The following CD163L1 variants were observed in gnomAD, a reference collection of about 807,000 sequenced individuals.
CD163L1 encodes the protein scavenger receptor cysteine-rich type 1 protein M160.
Under a neutral mutation model 165.4 loss-of-function variants are expected in CD163L1, and 124 were observed. The observed-to-expected ratio is 0.75, with a 90% CI of 0.65 to 0.87. The LOEUF is 0.87. Ranked by LOEUF, CD163L1 falls within the 40% of genes least tolerant of loss-of-function variation. The pLI is 0.00. For synonymous variants in CD163L1, 585 were observed against 662.2 expected, an observed-to-expected ratio of 0.88 and a Z score of 1.79; for missense variants, 1,525 against 1,799.9, an observed-to-expected ratio of 0.85 and a Z score of 2.76.
At chr12:7,319,967 C>A in the CD163L1 span, among the ~76,000 whole-genome samples, 1 of 152,258 alleles carries the variant, frequency 6.6e-6, no homozygotes, top group South Asian at 2.1e-4. Context: ...TTAGACTCTG[C>A]GGAGCAGATA....
At position 7,375,808 on chromosome 12, in the gene CD163L1, C is replaced by T. The variant is rs150856487; in HGVS notation, c.2578G>A (p.Glu860Lys). ...FGKGNGLTWA[E>K]KFQCEGSETH... ...TCACTCCCTTCACACTGGAACTTTT[C>T]GGCCCAAGTTAGACCATTCCCTTTT... Residue 860 changes from glutamate to lysine, a missense_variant, in exon 10 of 20, where the codon GAA becomes AAA. Physicochemically the swap from Glu to Lys is moderately conservative, Grantham distance 56 (BLOSUM62 1). Transcript: ENST00000313599. 6,813 of 1,614,216 alleles carry T rather than the reference C, an allele frequency of 4.2e-3. 16 individuals are homozygous for T. The highest frequency in any genetic ancestry group is 5.4e-3 in the Non-Finnish European group (6,333 of 1,180,028).
chr12:7,370,668 C>T (rs764951688), intron 14 of CD163L1, among the ~76,000 whole-genome samples: 10 of 152,238 alleles, frequency 6.6e-5, no homozygotes, highest in African/African-American at 2.4e-4. Flanking sequence ...AAAAAATTTC[C>T]TTTCTCCTTG....
chr12:7,323,315 G>A, the CD163L1 span: 2 of 1,609,938 alleles, frequency 1.2e-6, no homozygotes, highest in South Asian at 1.1e-5. Flanking sequence ...TGATGTCCAG[G>A]TAGGTTGAGA....
At chr12:7,386,242 A>G (rs1489410339) in intron 8 of CD163L1, among the ~76,000 whole-genome samples, 1 of 152,052 alleles carries the variant, frequency 6.6e-6, no homozygotes, top group Non-Finnish European at 1.5e-5. Context: ...TCCTGTACAC[A>G]TACGATCTGC....
chr12:7,355,490 G>C (rs1018823867), intron 19 of CD163L1, among the ~76,000 whole-genome samples: 1 of 152,116 alleles, frequency 6.6e-6, no homozygotes, highest in Admixed American at 6.6e-5. Context: ...TCTTTCAAAA[G>C]TTTTTAGTAT....
intron 4 of CD163L1, among the ~76,000 whole-genome samples, chr12:7,416,761 T>C (rs1948250402): frequency 6.6e-6 from 1 of 152,216 alleles, no homozygotes; most frequent in African/African-American, 2.4e-5. Flanking sequence ...GCCTGTGTTC[T>C]GTTCCATTGG....
intron 18 of CD163L1, 49 bp from the exon 19 acceptor site, chr12:7,357,535 G>A (rs374609042): frequency 4.7e-6 from 7 of 1,505,312 alleles, no homozygotes; most frequent in Non-Finnish European, 6.5e-6. Context: ...AAACCTCTCT[G>A]CAGAGGGAAG....
chr12:7,343,734 T>C (rs1946651599), downstream of CD163L1, among the ~76,000 whole-genome samples: 1 of 152,168 alleles, frequency 6.6e-6, no homozygotes, highest in Non-Finnish European at 1.5e-5. Flanking sequence ...TCCAATATGA[T>C]ACTTGGGTGG....
rs1168018892 is a variant in CD163L1, at chr12:7,444,113, T to A, written c.15A>T (p.Gln5His). 1.2e-6 allele frequency: 2 copies of A among 1,613,842 alleles called. No individual in the cohort carries two copies. Among genetic ancestry groups the A allele is most frequent in the Non-Finnish European group, 1.7e-6 (2 of 1,179,814 alleles). ...AAACCTTACCAATATGCCACGAGTT[T>A]TGAGGCAGCATCATTATGGGTCTAT... MMLP[Q>H]NSWHIDFGRC... Residue 5 changes from glutamine to histidine, a missense_variant, in exon 1 of 20, where the codon CAA becomes CAT. Transcript: ENST00000313599.
intron 2 of CD163L1, among the ~76,000 whole-genome samples, chr12:7,435,474 G>A (rs887987697): frequency 6.6e-6 from 1 of 151,792 alleles, no homozygotes; most frequent in Non-Finnish European, 1.5e-5. Flanking sequence ...ATGGAGAAAT[G>A]CCTAAACTTA....
rs777738943 is a variant in CD163L1, at chr12:7,368,978, GA to G, written c.4040-14del. The G allele has an allele frequency of 0.019, 29,971 of 1,611,900 alleles. 343 individuals are homozygous for G. Among genetic ancestry groups the G allele is most frequent in the Non-Finnish European group, 0.022 (25,812 of 1,178,634 alleles). On this transcript the variant is annotated splice_polypyrimidine_tract_variant and intron_variant, in intron 15 of 19. Coordinates refer to ENST00000313599, the MANE Select transcript of CD163L1 (RefSeq NM_174941.6). The surrounding 1 kb of genome is among the most constrained non-coding windows in gnomAD (Gnocchi z 4.3). ...TTCAGCGACTGTCCTGAGAGAGAGA[GA>G]GAGAGAGAGAGACGTAAATGAACGA...
intron 14 of CD163L1, among the ~76,000 whole-genome samples, chr12:7,370,790 ATACTTTTAGACTAGCTTC>A (rs1246627261): frequency 6.6e-6 from 1 of 152,178 alleles, no homozygotes; most frequent in Non-Finnish European, 1.5e-5. Flanking sequence ...TCATTAATAA[ATACTTTTAGACTAGCTTC>A]TACCTCCTAC....
chr12:7,336,467 A>G, the CD163L1 span, among the ~76,000 whole-genome samples: 40 of 152,258 alleles, frequency 2.6e-4, no homozygotes, highest in Admixed American at 2.1e-3. Flanking sequence ...ATGAGAACAC[A>G]TGGACACAGG....
At chr12:7,322,485 C>T in the CD163L1 span, 74,467 of 1,613,782 alleles carry the variant, frequency 0.046, 2,010 homozygotes, top group African/African-American at 0.099. Flanking sequence ...AGTGCTGGAG[C>T]AGTGGAGGGT....
intron 4 of CD163L1, among the ~76,000 whole-genome samples, chr12:7,417,330 G>A (rs996365934): frequency 1.3e-5 from 2 of 152,094 alleles, no homozygotes; most frequent in African/African-American, 2.4e-5. Context: ...AGATGATGGG[G>A]TTTTCTAACT....
intron 4 of CD163L1, among the ~76,000 whole-genome samples, chr12:7,418,390 T>C (rs2136570278): frequency 6.6e-6 from 1 of 152,162 alleles, no homozygotes; most frequent in Middle Eastern, 3.4e-3. Flanking sequence ...AAGGTGGTGC[T>C]AAGAGCAAAG....
At chr12:7,342,881 ACTT>A (rs1393379267), downstream of CD163L1, among the ~76,000 whole-genome samples, 1 of 152,212 alleles carries the variant, frequency 6.6e-6, no homozygotes, top group Non-Finnish European at 1.5e-5. Flanking sequence ...AAATGAAAGT[ACTT>A]CTTCTCTTTC....
chr12:7,439,085 G>C, intron 2 of CD163L1: 8 of 1,580,218 alleles, frequency 5.1e-6, no homozygotes, highest in Non-Finnish European at 6.0e-6. Flanking sequence ...CTCCAGCCCT[G>C]TGTCCTGCCC....
In CD163L1 at chr12:7,375,760, T is replaced by C; in HGVS notation, c.2626A>G (p.Ile876Val). ...CAAGTGTCTTCCGGATGTTGAACAA[T>C]GGGGCATAATGCAAGGTGAGTTTCA... is the stretch of plus-strand genomic sequence containing the variant. ...GSETHLALCP[I>V]VQHPEDTCIH... Residue 876 changes from isoleucine to valine, a missense_variant, in exon 10 of 20, where the codon ATT becomes GTT. Coordinates refer to ENST00000313599, the MANE Select transcript of CD163L1 (RefSeq NM_174941.6). 1 of 1,614,230 alleles carries C rather than the reference T, an allele frequency of 6.2e-7. No homozygotes were observed. The highest frequency in any genetic ancestry group is 8.5e-7 in the Non-Finnish European group (1 of 1,180,050).
Sources: gnomAD v4.1 joint callset for allele counts (sites outside exome capture counted in the v4.1 genomes callset) on GRCh38, gnomAD v4.1.1 for gene constraint, Gnocchi (gnomAD v3.1) non-coding constraint, MANE v1.5 for transcripts, NCBI Gene and HGNC (gene_info 2026-07-23, HGNC 2026-07-21) for gene names.